KCTD1: variants seen among roughly 807,000 people sequenced by gnomAD.
KCTD1 encodes BTB/POZ domain-containing protein KCTD1.
Under a neutral mutation model 66.0 loss-of-function variants are expected in KCTD1, and 24 were observed. The observed-to-expected ratio is 0.36, with a 90% CI of 0.26 to 0.51. KCTD1 has a LOEUF of 0.51. Ranked by LOEUF, KCTD1 falls within the 20% of genes least tolerant of loss-of-function variation. KCTD1 has a pLI of 0.95. For synonymous variants in KCTD1, 511 were observed against 517.2 expected, an observed-to-expected ratio of 0.99 and a Z score of 0.16; for missense variants, 943 against 1,205.2, an observed-to-expected ratio of 0.78 and a Z score of 3.22.
chr18:26,558,029 A>G (rs922350297), intron 1 of KCTD1, among the ~76,000 whole-genome samples: 2 of 152,242 alleles, frequency 1.3e-5, no homozygotes, highest in East Asian at 3.9e-4. Context: ...GTTGGGGACA[A>G]CTCCAGAGAG....
chr18:26,522,291 C>T (rs1043386464), intron 1 of KCTD1, among the ~76,000 whole-genome samples: 1 of 152,148 alleles, frequency 6.6e-6, no homozygotes, highest in Non-Finnish European at 1.5e-5. Context: ...GACAAACGCA[C>T]GGGGAACATG....
intron 2 of KCTD1, among the ~76,000 whole-genome samples, chr18:26,498,678 AG>A (rs1258263151): frequency 6.6e-6 from 1 of 152,030 alleles, no homozygotes; most frequent in Non-Finnish European, 1.5e-5. Context: ...AGCGCTCAAT[AG>A]CTGTACGTGG....
rs75326425 is a variant in KCTD1, at chr18:26,522,390, G to A, written c.1810-21140C>T. ...ATTGCCAGCAACCCACGAGCAGCTA[G>A]GAAGAATCATGAAACAGATTCCTCC... On this transcript the variant is annotated intron_variant, in intron 1 of 4. Coordinates refer to ENST00000580059, the MANE Select transcript of KCTD1 (RefSeq NM_001142730.3). Among the ~76,000 whole-genome samples the A allele has an allele frequency of 3.0e-4, 45 of 152,252 alleles. No homozygotes were observed. The East Asian group carries it at 7.9e-3, about 27-fold the overall frequency.
At chr18:26,645,249 G>C (rs921734496), upstream of KCTD1, among the ~76,000 whole-genome samples, 1 of 151,828 alleles carries the variant, frequency 6.6e-6, no homozygotes, top group African/African-American at 2.4e-5. Flanking sequence ...TTATTTTTTA[G>C]AGATAGGGTC....
At chr18:26,548,802 C>T, upstream of KCTD1, 3 of 1,103,976 alleles carry the variant, frequency 2.7e-6, no homozygotes, top group Non-Finnish European at 3.3e-6. Flanking sequence ...CCTCCCCCAC[C>T]CGGCTCCCAC....
chr18:26,459,765 A>G lies in KCTD1; in HGVS notation c.2294T>C (p.Leu765Pro). ...TTCTATCAAGGATTTGTCACCGCTT[A>G]GCGTGATCCTTTCTCCGAGGTCTGG... ...VAPDLGERIT[L>P]SGDKSLIEEV... The change falls in exon 4 of 5, where the codon CTA becomes CCA. Residue 765 changes from leucine to proline, a missense_variant. Physicochemically the swap from Leu to Pro is moderately conservative, Grantham distance 98. This residue lies in a region of KCTD1 where 162 missense variants were observed against 232.4 expected (regional missense o/e 0.70). Transcript: ENST00000580059. The G allele has an allele frequency of 6.2e-7, 1 of 1,614,220 alleles. No individual in the cohort carries two copies. Among genetic ancestry groups the G allele is most frequent in the Non-Finnish European group, 8.5e-7 (1 of 1,180,038 alleles).
intron 1 of KCTD1, among the ~76,000 whole-genome samples, chr18:26,574,638 T>C (rs183676378): frequency 4.3e-4 from 65 of 152,352 alleles, no homozygotes; most frequent in Non-Finnish European, 4.6e-4. Context: ...TCCCTCCAGA[T>C]AGACAGCATT....
At chr18:26,597,675 T>C (rs1308413403) in intron 1 of KCTD1, among the ~76,000 whole-genome samples, 1 of 148,312 alleles carries the variant, frequency 6.7e-6, no homozygotes, top group Admixed American at 6.7e-5. Flanking sequence ...TTTTTTTTTT[T>C]TGGAGTCTTG....
intron 2 of KCTD1, among the ~76,000 whole-genome samples, chr18:26,498,427 T>C (rs1982590310): frequency 6.7e-6 from 1 of 149,704 alleles, no homozygotes; most frequent in Non-Finnish European, 1.5e-5. Flanking sequence ...TTCAGCGCTG[T>C]CCAACAGAAA....
At chr18:26,651,405 A>G (rs1988030573) in intron 1 of KCTD1, among the ~76,000 whole-genome samples, 1 of 152,200 alleles carries the variant, frequency 6.6e-6, no homozygotes, top group African/African-American at 2.4e-5. Flanking sequence ...AAACGGATAT[A>G]ACCTTTCTAA....
intron 1 of KCTD1, chr18:26,581,159 A>G (rs1384370633): frequency 1.3e-5 from 2 of 152,252 alleles, no homozygotes; most frequent in Non-Finnish European, 2.9e-5. Flanking sequence ...AGTAAAACAA[A>G]CAAAAACAAT....
chr18:26,586,461 T>C (rs1179111823), intron 1 of KCTD1, among the ~76,000 whole-genome samples: 1 of 152,132 alleles, frequency 6.6e-6, no homozygotes, highest in African/African-American at 2.4e-5. Context: ...ACAACAATAT[T>C]GAAATTAGGC....
intron 1 of KCTD1, among the ~76,000 whole-genome samples, chr18:26,511,591 C>T (rs1425663159): frequency 6.6e-6 from 1 of 152,188 alleles, no homozygotes; most frequent in African/African-American, 2.4e-5. Context: ...TCAGAAACCT[C>T]TGCACAATGT....
rs55728005 is a variant in KCTD1 at position 26,455,484 on chromosome 18, CTT to C, written c.*257_*258del. On this transcript the variant is annotated 3_prime_UTR_variant, in exon 5 of 5. Coordinates refer to ENST00000580059, the MANE Select transcript of KCTD1 (RefSeq NM_001142730.3). ...TCACAGCACCAACTGCGGCTGTCAC[CTT>C]TTTTTTTTTTCTTTTTTGCATTTCC... The C allele has an allele frequency of 3.0e-4, 54 of 180,124 alleles. No homozygotes were observed. The highest frequency in any genetic ancestry group is 8.9e-4 in the East Asian group (7 of 7,892). 11.2% of individuals were successfully genotyped at this position (180,124 alleles called of 1,614,324 possible).
At chr18:26,550,201 C>T (rs909454185), upstream of KCTD1, among the ~76,000 whole-genome samples, 2 of 152,212 alleles carry the variant, frequency 1.3e-5, no homozygotes, top group Non-Finnish European at 2.9e-5. This position sits in a 1 kb window ranked among gnomAD's most constrained non-coding sequence, Gnocchi z 5.4. Context: ...TCGAATTTAC[C>T]TCCAAGTCCG....
chr18:26,605,763 T>TCTAC (rs1461408820), intron 1 of KCTD1, among the ~76,000 whole-genome samples: 1 of 144,974 alleles, frequency 6.9e-6, no homozygotes, highest in African/African-American at 2.5e-5. Flanking sequence ...TATCTATCTA[T>TCTAC]CTATCTATAT....
chr18:26,497,844 G>C (rs530090947), intron 2 of KCTD1, among the ~76,000 whole-genome samples: 1 of 152,256 alleles, frequency 6.6e-6, no homozygotes, highest in African/African-American at 2.4e-5. Context: ...TGACCGGCTG[G>C]GGTATTTAAG....
intron 1 of KCTD1, 97 bp from the exon 2 acceptor site, chr18:26,501,347 C>T: frequency 9.4e-7 from 1 of 1,068,960 alleles, no homozygotes; most frequent in Non-Finnish European, 1.3e-6. Flanking sequence ...ATTAACGATA[C>T]TCATTCAGTA....
chr18:26,459,345 T>G (rs1187127821), intron 4 of KCTD1: 3 of 367,962 alleles, frequency 8.2e-6, no homozygotes, highest in Non-Finnish European at 1.5e-5. Context: ...TGCCTTAGCC[T>G]CTGGAGTGGC....
Sources: gnomAD v4.1 joint callset for allele counts (sites outside exome capture counted in the v4.1 genomes callset) on GRCh38, gnomAD v4.1.1 for gene constraint, gnomAD v4.1.1 regional missense constraint, Gnocchi (gnomAD v3.1) non-coding constraint, MANE v1.5 for transcripts, NCBI Gene and HGNC (gene_info 2026-07-23, HGNC 2026-07-21) for gene names.